ERC2: variants seen among roughly 807,000 people sequenced by gnomAD.
ERC2 encodes the protein ELKS/RAB6-interacting/CAST family member 2, also known as ERC protein 2.
ERC2 carries 42 observed loss-of-function variants against 114.8 expected under a neutral mutation model. That is an observed-to-expected ratio of 0.37 (90% CI 0.29 to 0.47). The LOEUF is 0.47. Among genes scored for constraint, ERC2 ranks in the 20% least tolerant of loss-of-function variants. The pLI is 0.99. For synonymous variants in ERC2, 454 were observed against 425.5 expected (o/e 1.07, Z -0.82); for missense variants, 939 against 1,150.7 (o/e 0.82, Z 2.66).
chr3:55,950,440 G>A lies in ERC2; in HGVS notation c.2388C>T (p.Asn796=). Residue 796 remains asparagine (N), a synonymous_variant, in exon 13 of 18, where the codon AAC becomes AAT. Coordinates refer to ENST00000288221, the MANE Select transcript of ERC2 (RefSeq NM_015576.3). Reference sequence around the variant, plus strand: ...CTGTGCTTACCTGCAAATGCTGTGAGTTGTCAGCCATGCTGTCTTCTCGCC... The same window carrying A: ...CTGTGCTTACCTGCAAATGCTGTGAATTGTCAGCCATGCTGTCTTCTCGCC... ...VRRREDSMAD[N]SQHLQIEELM... is the part of the protein sequence containing the mutation. 1 of 1,614,038 alleles carries A rather than the reference G, an allele frequency of 6.2e-7. No individual in the cohort carries two copies. Among genetic ancestry groups the A allele is most frequent in the Non-Finnish European group, 8.5e-7 (1 of 1,179,896 alleles).
chr3:56,183,478 T>C (rs1409212084), intron 3 of ERC2, among the ~76,000 whole-genome samples: 1 of 152,206 alleles, frequency 6.6e-6, no homozygotes, highest in African/African-American at 2.4e-5. Flanking sequence ...ACAATCATCA[T>C]TGAAATGTAT....
chr3:55,955,316 G>C (rs2149454810), intron 12 of ERC2, among the ~76,000 whole-genome samples: 1 of 151,190 alleles, frequency 6.6e-6, no homozygotes, highest in Middle Eastern at 3.4e-3. Flanking sequence ...CACACATGAA[G>C]ATGCACAAAT....
chr3:55,543,766 T>C (rs1233833040), intron 17 of ERC2, among the ~76,000 whole-genome samples: 1 of 152,112 alleles, frequency 6.6e-6, no homozygotes, highest in Admixed American at 6.5e-5. Context: ...GCTGTCTCTG[T>C]GTGCCATTTG....
intron 3 of ERC2, among the ~76,000 whole-genome samples, chr3:56,242,871 A>T (rs1467974437): frequency 6.6e-6 from 1 of 152,190 alleles, no homozygotes; most frequent in Non-Finnish European, 1.5e-5. Context: ...ATGTATGCTT[A>T]TTGGTAGATT....
chr3:55,698,394 T>G (rs1488759729), intron 16 of ERC2, among the ~76,000 whole-genome samples: 2 of 152,220 alleles, frequency 1.3e-5, no homozygotes, highest in East Asian at 3.9e-4. Flanking sequence ...CTCTTTGGGA[T>G]GCTAGCAACA....
At chr3:55,832,385 G>A (rs1373267215) in intron 14 of ERC2, among the ~76,000 whole-genome samples, 2 of 152,258 alleles carry the variant, frequency 1.3e-5, no homozygotes, top group Admixed American at 6.5e-5. Flanking sequence ...CACTTCACAC[G>A]GCCGGGTACT....
intron 2 of ERC2, among the ~76,000 whole-genome samples, chr3:56,330,755 T>C (rs2057572394): frequency 6.6e-6 from 1 of 152,098 alleles, no homozygotes. Flanking sequence ...CAAAAAAAAT[T>C]AAAATCTGAA....
chr3:55,991,527 G>A (rs563723290), intron 11 of ERC2, among the ~76,000 whole-genome samples: 1 of 152,296 alleles, frequency 6.6e-6, no homozygotes, highest in South Asian at 2.1e-4. Context: ...TCAAGTATAT[G>A]TATTTAAAAG....
chr3:56,152,858 A>T (rs1296435795), intron 4 of ERC2, among the ~76,000 whole-genome samples: 1 of 152,180 alleles, frequency 6.6e-6, no homozygotes, highest in Admixed American at 6.5e-5. Flanking sequence ...TTTTACATCT[A>T]CCATCTCAAA....
intron 1 of ERC2, among the ~76,000 whole-genome samples, chr3:56,446,954 C>T (rs942025368): frequency 5.9e-5 from 9 of 152,114 alleles, no homozygotes; most frequent in Non-Finnish European, 1.0e-4. Context: ...AAGGTTTCTG[C>T]TGCAAGCAAC....
At chr3:56,023,600 C>A (rs1271468010) in intron 7 of ERC2, among the ~76,000 whole-genome samples, 3 of 152,144 alleles carry the variant, frequency 2.0e-5, no homozygotes, top group Non-Finnish European at 2.9e-5. Flanking sequence ...GTCCCCTAAT[C>A]TGCATTTTTC....
chr3:56,029,867 G>A (rs761384349), intron 7 of ERC2, among the ~76,000 whole-genome samples: 7 of 151,622 alleles, frequency 4.6e-5, no homozygotes, highest in Non-Finnish European at 8.8e-5. Flanking sequence ...ACTTAGTTTC[G>A]GTTTATTTTG....
chr3:56,421,741 C>T (rs1227821521), intron 2 of ERC2, among the ~76,000 whole-genome samples: 2 of 152,146 alleles, frequency 1.3e-5, no homozygotes, highest in African/African-American at 2.4e-5. Context: ...TTCCAACTGA[C>T]CCCGATTCCC....
chr3:56,372,060 T>G (rs763668979), intron 2 of ERC2, among the ~76,000 whole-genome samples: 5 of 152,200 alleles, frequency 3.3e-5, no homozygotes, highest in Non-Finnish European at 5.9e-5. Context: ...GAGAGGCATA[T>G]GTTGCTTGAT....
At chr3:55,850,965 G>A (rs541836501) in intron 14 of ERC2, among the ~76,000 whole-genome samples, 84 of 150,952 alleles carry the variant, frequency 5.6e-4, no homozygotes, top group Non-Finnish European at 1.1e-3. Flanking sequence ...ACTTCCCCTG[G>A]GACTTGTATT....
intron 2 of ERC2, among the ~76,000 whole-genome samples, chr3:56,340,936 A>T (rs146691439): frequency 6.6e-6 from 1 of 152,166 alleles, no homozygotes; most frequent in Non-Finnish European, 1.5e-5. Context: ...TTCAAAAGAA[A>T]AAAAAAGTAT....
chr3:55,565,443 CAG>C (rs1238977226), intron 17 of ERC2, among the ~76,000 whole-genome samples: 2 of 152,114 alleles, frequency 1.3e-5, no homozygotes, highest in African/African-American at 2.4e-5. Flanking sequence ...AGGCCACAGG[CAG>C]AGTGTCCCCT....
intron 2 of ERC2, among the ~76,000 whole-genome samples, chr3:56,393,172 T>C (rs1172478587): frequency 2.0e-5 from 3 of 152,090 alleles, no homozygotes; most frequent in Non-Finnish European, 4.4e-5. Flanking sequence ...CCAAGGCAGG[T>C]GGATCACCTG....
chr3:56,174,161 G>T (rs1382288072), intron 3 of ERC2, among the ~76,000 whole-genome samples: 1 of 152,194 alleles, frequency 6.6e-6, no homozygotes, highest in East Asian at 1.9e-4. Context: ...GAAAAAAATT[G>T]TTAAAGCCAG....
Sources: allele counts gnomAD v4.1 joint callset (sites outside exome capture counted in the v4.1 genomes callset), GRCh38; gene constraint gnomAD v4.1.1; transcripts MANE v1.5; gene names NCBI Gene and HGNC (gene_info 2026-07-23, HGNC 2026-07-21).